USP10: variants seen among roughly 807,000 people sequenced by gnomAD.
USP10 encodes ubiquitin specific peptidase 10.
A neutral mutation model predicts 84.5 loss-of-function variants in USP10; 22 were observed. That is an observed-to-expected ratio of 0.26 (90% CI 0.19 to 0.37). The LOEUF is 0.37. Among genes scored for constraint, USP10 ranks in the 10% least tolerant of loss-of-function variants. The pLI is 1.00. For synonymous variants in USP10, 454 were observed against 387.6 expected (o/e 1.17, Z -2.01); for missense variants, 1,019 against 998.9 (o/e 1.02, Z -0.27).
At chr16:84,750,217 G>C (rs1323125055) in intron 4 of USP10, among the ~76,000 whole-genome samples, 1 of 152,038 alleles carries the variant, frequency 6.6e-6, no homozygotes, top group Non-Finnish European at 1.5e-5. Context: ...AGACCAGCCT[G>C]GCCAACATAG....
chr16:84,770,858 G>C lies in USP10; in HGVS notation c.1999-1683G>C, dbSNP rs976690249. 5.3e-5 allele frequency among the ~76,000 whole-genome samples: 8 copies of C among 150,748 alleles called. No homozygotes were observed. In the East Asian group the frequency reaches 1.4e-3, roughly 26 times the overall value. ...TGAGGCAGGCGGATCACAAAGTCAAGAGATCGAGACCATCCTGGCCAACAT... is the reference window on the plus strand; with the variant it reads ...TGAGGCAGGCGGATCACAAAGTCAACAGATCGAGACCATCCTGGCCAACAT... On this transcript the variant is annotated intron_variant, in intron 11 of 13. Transcript: ENST00000219473.
At chr16:84,714,256 G>A (rs1251389446) in intron 1 of USP10, among the ~76,000 whole-genome samples, 1 of 152,188 alleles carries the variant, frequency 6.6e-6, no homozygotes, top group Non-Finnish European at 1.5e-5. Flanking sequence ...GTTTGTTCAT[G>A]GTATAGTAGT....
chr16:84,723,512 G>A (rs1481201685), intron 1 of USP10, among the ~76,000 whole-genome samples: 1 of 152,146 alleles, frequency 6.6e-6, no homozygotes, highest in East Asian at 1.9e-4. Flanking sequence ...CTGACGCCTG[G>A]GAAGTCACAA....
intron 1 of USP10, among the ~76,000 whole-genome samples, chr16:84,716,859 C>G (rs1304540935): frequency 6.6e-6 from 1 of 152,184 alleles, no homozygotes; most frequent in Non-Finnish European, 1.5e-5. Flanking sequence ...CATAATTCAT[C>G]ATAATGATCC....
chr16:84,764,073 C>G lies in USP10; in HGVS notation c.1655-13C>G, dbSNP rs749343299. On this transcript the variant is annotated splice_polypyrimidine_tract_variant and intron_variant, in intron 9 of 13. Coordinates refer to ENST00000219473, the MANE Select transcript of USP10 (RefSeq NM_005153.3). ...TCGTAAATAGTAGTGTAAGCAGATGCTCTCCTTTTCAGAACTTACGATTTC... is the reference window on the plus strand; with the variant it reads ...TCGTAAATAGTAGTGTAAGCAGATGGTCTCCTTTTCAGAACTTACGATTTC... 2 of 1,608,130 alleles carry G rather than the reference C, an allele frequency of 1.2e-6. No homozygotes were observed. The highest frequency in any genetic ancestry group is 1.3e-5 in the African/African-American group (1 of 74,344).
chr16:84,725,193 CG>C (rs1908299525), intron 1 of USP10, among the ~76,000 whole-genome samples: 1 of 152,158 alleles, frequency 6.6e-6, no homozygotes, highest in Non-Finnish European at 1.5e-5. Flanking sequence ...CACCGCCTCC[CG>C]CTCCCCCATT....
chr16:84,722,444 A>G (rs1332337585), intron 1 of USP10, among the ~76,000 whole-genome samples: 1 of 152,216 alleles, frequency 6.6e-6, no homozygotes, highest in Non-Finnish European at 1.5e-5. Context: ...AAATGTGGTA[A>G]GCGTATATTC....
intron 13 of USP10, 80 bp downstream of exon 13, chr16:84,775,305 C>G (rs537233065): frequency 1.1e-5 from 15 of 1,396,794 alleles, no homozygotes; most frequent in Middle Eastern, 3.5e-4. Context: ...TTTGCTGCAA[C>G]TTAGCATAGC....
chr16:84,739,738 C>T (rs1388038436), intron 2 of USP10, among the ~76,000 whole-genome samples: 1 of 152,182 alleles, frequency 6.6e-6, no homozygotes, highest in Non-Finnish European at 1.5e-5. Context: ...TTCTGTCTGC[C>T]AAACAAGGAA....
chr16:84,759,044 C>G (rs530758196), intron 5 of USP10, among the ~76,000 whole-genome samples: 5 of 152,338 alleles, frequency 3.3e-5, no homozygotes, highest in African/African-American at 1.2e-4. Flanking sequence ...GACAAGCTGG[C>G]TCTCATTAGA....
At chr16:84,724,529 T>C (rs1350818304) in intron 1 of USP10, among the ~76,000 whole-genome samples, 1 of 152,186 alleles carries the variant, frequency 6.6e-6, no homozygotes. Flanking sequence ...TTGTGATAGT[T>C]TGTCTACTTT....
Position 84,700,040 on chromosome 16 carries a change from A to C in USP10, c.-51A>C. 7.4e-7 allele frequency: 1 copy of C among 1,347,634 alleles called. No individual in the cohort carries two copies. The highest frequency in any genetic ancestry group is 1.4e-5 in the South Asian group (1 of 72,628). The allele number at this position is 1,347,634 out of a possible 1,614,324, so 83.5% of individuals were successfully genotyped here. ...GGCGAGAAGATGGCGGCGGCGGGGG[A>C]AGCAGCGTGAGCAGCCGGAGGATCG... On this transcript the variant is annotated 5_prime_UTR_variant, in exon 1 of 14. Transcript: ENST00000219473.
intron 12 of USP10, 38 bp from the exon 13 acceptor site, chr16:84,775,122 C>G (rs1221643376): frequency 2.5e-6 from 4 of 1,596,832 alleles, no homozygotes; most frequent in Non-Finnish European, 3.4e-6. Context: ...CTGAACCTTT[C>G]TAAAAGTGCT....
chr16:84,742,372 C>G (rs374221523), intron 3 of USP10, among the ~76,000 whole-genome samples: 5 of 152,302 alleles, frequency 3.3e-5, no homozygotes, highest in African/African-American at 1.2e-4. Flanking sequence ...ACAGCTTTCT[C>G]TCCCCTCCCT....
intron 1 of USP10, chr16:84,732,648 A>G (rs1909392303): frequency 6.5e-6 from 2 of 306,036 alleles, no homozygotes; most frequent in South Asian, 2.5e-5. Flanking sequence ...GGGTTTCACC[A>G]TGTTGGCCAG....
intron 1 of USP10, among the ~76,000 whole-genome samples, chr16:84,727,237 A>G (rs1157155250): frequency 6.6e-6 from 1 of 152,224 alleles, no homozygotes; most frequent in African/African-American, 2.4e-5. Context: ...AATTCATGTC[A>G]TCAGTGGCAT....
intron 9 of USP10, among the ~76,000 whole-genome samples, chr16:84,763,529 T>A (rs1297529720): frequency 6.6e-6 from 1 of 152,244 alleles, no homozygotes; most frequent in African/African-American, 2.4e-5. Flanking sequence ...TGCTAAAGCA[T>A]CTCCTGCGTA....
At chr16:84,708,344 G>T in intron 1 of USP10, among the ~76,000 whole-genome samples, 1 of 152,242 alleles carries the variant, frequency 6.6e-6, no homozygotes. Context: ...CAGCTGCTCC[G>T]AAGGCTGAGG....
intron 9 of USP10, among the ~76,000 whole-genome samples, chr16:84,763,309 A>G (rs960436602): frequency 2.6e-4 from 40 of 152,314 alleles, no homozygotes; most frequent in Admixed American, 1.2e-3. Context: ...TAGGAAAATG[A>G]TCAAGCCTAT....
Sources: gnomAD v4.1 joint callset for allele counts (sites outside exome capture counted in the v4.1 genomes callset) on GRCh38, gnomAD v4.1.1 for gene constraint, MANE v1.5 for transcripts, NCBI Gene and HGNC (gene_info 2026-07-23, HGNC 2026-07-21) for gene names.